Variants in ASXL1 observed in about 807,000 individuals in gnomAD.
The protein encoded by ASXL1 is ASXL transcriptional regulator 1.
In ASXL1, 65 loss-of-function variants were observed where a neutral mutation model predicts 89.1. The observed-to-expected ratio is 0.73, with a 90% CI of 0.60 to 0.90. The LOEUF (loss-of-function observed/expected upper bound fraction) is 0.90. Among genes scored for constraint, ASXL1 ranks in the 40% least tolerant of loss-of-function variants. The pLI is 0.00. For missense variants in ASXL1, 1,786 were observed against 1,942.9 expected (o/e 0.92, Z 1.52); for synonymous variants, 739 against 746.9 (o/e 0.99, Z 0.17).
chr20:32,430,381 C>T (rs1263133322), intron 8 of ASXL1: 1 of 304,004 alleles, frequency 3.3e-6, no homozygotes, highest in Non-Finnish European at 6.1e-6. Context: ...TTCCAACACC[C>T]CTTTTCTCTC....
chr20:32,435,237 AT>A lies in ASXL1; in HGVS notation c.2526del (p.Asn842LysfsTer2). ...CATCCCACTATGAAGGATCCTGTAA[AT>A]GTGACCCCCAGTTCCACACCTGAAT... ...DSHPTMKDPVNVTPSSTPESS... is the reference protein window; with the variant it reads ...DSHPTMKDPVXVTPSSTPESS... On this transcript the variant is annotated frameshift_variant, in exon 13 of 13. Transcript: ENST00000375687. LOFTEE classifies it low-confidence loss of function (END_TRUNC). The A allele has an allele frequency of 6.2e-7, 1 of 1,614,016 alleles. No homozygotes were observed.
Position 32,414,072 on chromosome 20 carries a change from G to T in ASXL1, c.253-14056G>T, listed in dbSNP as rs537253428. On this transcript the variant is annotated intron_variant, in intron 4 of 12. Coordinates refer to ENST00000375687, the MANE Select transcript of ASXL1 (RefSeq NM_015338.6). Reference sequence around the variant, plus strand: ...CCATTGTGATTTCTGGATATCGTGTGTTTTTTTTGACCGGAAGATTTTAGG... The same window carrying T: ...CCATTGTGATTTCTGGATATCGTGTTTTTTTTTTGACCGGAAGATTTTAGG... Among the ~76,000 whole-genome samples, 219 of 151,950 alleles carry T rather than the reference G, an allele frequency of 1.4e-3. 3 individuals are homozygous for T. The highest frequency in any genetic ancestry group is 2.5e-3 in the South Asian group (12 of 4,816).
chr20:32,429,074 T>G lies in ASXL1; in HGVS notation c.472-264T>G. The G allele has an allele frequency of 2.1e-6, 1 of 477,392 alleles. No individual in the cohort carries two copies. The highest frequency in any genetic ancestry group is 6.1e-4 in the Middle Eastern group (1 of 1,634). 29.6% of individuals were successfully genotyped at this position (477,392 alleles called of 1,614,324 possible). On this transcript the variant is annotated intron_variant, in intron 6 of 12. Coordinates refer to ENST00000375687, the MANE Select transcript of ASXL1 (RefSeq NM_015338.6). This position sits in a 1 kb window ranked among gnomAD's most constrained non-coding sequence, Gnocchi z 4.9. ...AGCAGTTTGAATGATAACCCTGCAC[T>G]TACTAGCCTTGAGACTTGGGGAAAA...
rs1569285507 is a variant in ASXL1 at position 32,401,553 on chromosome 20, C to CTTTTT, written c.253-26575_253-26574insTTTTT. ...GTGTGTGTGTGTGTGTGTTTTTTCC[C>CTTTTT]CCCCCCCCTTTTTTTTTTTGAGACG... On this transcript the variant is annotated intron_variant, in intron 4 of 12. Transcript: ENST00000375687. 2.7e-3 allele frequency among the ~76,000 whole-genome samples: 55 copies of CTTTTT among 20,498 alleles called. 1 individual carries two copies. In the South Asian group the frequency reaches 0.029, roughly 11 times the overall value. 13.4% of individuals were successfully genotyped at this position (20,498 alleles called of 152,430 possible).
chr20:32,369,159 C>G lies in ASXL1; in HGVS notation c.252+36C>G, dbSNP rs1439035647. On this transcript the variant is annotated intron_variant, in intron 4 of 12. Coordinates refer to ENST00000375687, the MANE Select transcript of ASXL1 (RefSeq NM_015338.6). ...TGAACTCTCTTTTGGTGCAGTGATT[C>G]TTGGACTTTTAATGTGCATAAAAAT... The G allele has an allele frequency of 2.6e-6, 4 of 1,556,868 alleles. No individual in the cohort carries two copies. The South Asian group carries it at 4.5e-5, about 17-fold the overall frequency.
chr20:32,378,158 T>TCGTGTG (rs1555902407), intron 4 of ASXL1, among the ~76,000 whole-genome samples: 1 of 130,226 alleles, frequency 7.7e-6, no homozygotes, highest in Non-Finnish European at 1.6e-5. Context: ...GCTGAGTAAT[T>TCGTGTG]TGTGTGTGTG....
intron 4 of ASXL1, among the ~76,000 whole-genome samples, chr20:32,424,571 T>C (rs2011220594): frequency 6.6e-6 from 1 of 152,134 alleles, no homozygotes; most frequent in Non-Finnish European, 1.5e-5. Context: ...CTAGAGATGG[T>C]GGTGGCCAAC....
At position 32,387,912 on chromosome 20, in the gene ASXL1, G is replaced by T. The variant is rs139290545; in HGVS notation, c.252+18789G>T. ...ACCCTTGTGTTGGCTGTATAAATTA[G>T]TGGGAACTCCATTTTTTAAGTTGCT... On this transcript the variant is annotated intron_variant, in intron 4 of 12. Transcript: ENST00000375687. Among the ~76,000 whole-genome samples the T allele has an allele frequency of 6.6e-5, 10 of 152,326 alleles. No homozygotes were observed. The East Asian group carries it at 1.9e-3, about 29-fold the overall frequency.
At position 32,435,330 on chromosome 20, in the gene ASXL1, C is replaced by T. The variant is rs202098158; in HGVS notation, c.2618C>T (p.Pro873Leu). 4.3e-5 allele frequency: 70 copies of T among 1,614,064 alleles called. No homozygotes were observed. The highest frequency in any genetic ancestry group is 3.3e-4 in the Middle Eastern group (2 of 6,084). ...DDELGLGGSC[P>L]PMRESDTRQE... ...GAATTAGGGCTTGGTGGCTCATGCCCTCCTATGAGGGAAAGTGATACTAGA... is the reference window on the plus strand; with the variant it reads ...GAATTAGGGCTTGGTGGCTCATGCCTTCCTATGAGGGAAAGTGATACTAGA... Residue 873 changes from proline to leucine, a missense_variant, in exon 13 of 13, where the codon CCT becomes CTT. Physicochemically the swap from Pro to Leu is moderately conservative, Grantham distance 98 (BLOSUM62 -3). Coordinates refer to ENST00000375687, the MANE Select transcript of ASXL1 (RefSeq NM_015338.6).
At position 32,438,294 on chromosome 20, in the gene ASXL1, A is replaced by T. The variant is rs776494618; in HGVS notation, c.*956A>T. ...ACCTCTAATGTTTTATCATGTATTT[A>T]TATGTTGTACACAGTACTGGCTGAT... On this transcript the variant is annotated 3_prime_UTR_variant, in exon 13 of 13. Transcript: ENST00000375687. 8.6e-6 allele frequency: 2 copies of T among 233,486 alleles called. No homozygotes were observed. The highest frequency in any genetic ancestry group is 1.2e-4 in the East Asian group (2 of 16,568). 14.5% of individuals were successfully genotyped at this position (233,486 alleles called of 1,614,324 possible).
At chr20:32,395,908 C>T (rs2048753854) in intron 4 of ASXL1, among the ~76,000 whole-genome samples, 1 of 152,166 alleles carries the variant, frequency 6.6e-6, no homozygotes. Context: ...AAGCGATTAT[C>T]CTGCCTCAGC....
intron 4 of ASXL1, among the ~76,000 whole-genome samples, chr20:32,420,076 A>G (rs571407230): frequency 6.5e-4 from 99 of 151,544 alleles, no homozygotes; most frequent in African/African-American, 1.7e-3. Flanking sequence ...AAATGTCACA[A>G]TGTGGCCAAA....
chr20:32,433,569 C>T lies in ASXL1; in HGVS notation c.1371C>T (p.Asp457=), dbSNP rs563009426. 6.8e-6 allele frequency: 11 copies of T among 1,614,168 alleles called. No homozygotes were observed. Among genetic ancestry groups the T allele is most frequent in the African/African-American group, 2.7e-5 (2 of 75,048 alleles). Residue 457 remains aspartate, a synonymous_variant, in exon 12 of 13, where the codon GAC becomes GAT. Coordinates refer to ENST00000375687, the MANE Select transcript of ASXL1 (RefSeq NM_015338.6). Reference sequence around the variant, plus strand: ...ACAAGGATGGGGAGGCTAAGACTGACCCAGCAGGGCTGAGCAGTCCCCATC... The same window carrying T: ...ACAAGGATGGGGAGGCTAAGACTGATCCAGCAGGGCTGAGCAGTCCCCATC... ...PLYKDGEAKT[D]PAGLSSPHLP... is the part of the protein sequence containing the mutation.
chr20:32,373,251 C>G (rs112436754), intron 4 of ASXL1, among the ~76,000 whole-genome samples: 15,703 of 151,832 alleles, frequency 0.1, 987 homozygotes, highest in East Asian at 0.17. Context: ...GTTGTGCACG[C>G]CTGTAATCCT....
intron 4 of ASXL1, among the ~76,000 whole-genome samples, chr20:32,404,671 T>G (rs894033444): frequency 6.6e-6 from 1 of 152,218 alleles, no homozygotes; most frequent in Admixed American, 6.5e-5. Flanking sequence ...ACTTGTTTGC[T>G]GTGTCGAATA....
intron 4 of ASXL1, among the ~76,000 whole-genome samples, chr20:32,417,800 C>G (rs2049163544): frequency 6.6e-6 from 1 of 151,902 alleles, no homozygotes; most frequent in African/African-American, 2.4e-5. Context: ...AGTCCTAGCA[C>G]TTGAGGCTGA....
chr20:32,370,093 C>T (rs945185387), intron 4 of ASXL1, among the ~76,000 whole-genome samples: 1 of 152,042 alleles, frequency 6.6e-6, no homozygotes, highest in African/African-American at 2.4e-5. Context: ...AATGTAAGAC[C>T]TACTCTATGG....
At chr20:32,369,259 T>A (rs990865703) in intron 4 of ASXL1, 136 bp downstream of exon 4, 7 of 852,716 alleles carry the variant, frequency 8.2e-6, no homozygotes, top group Non-Finnish European at 1.2e-5. Context: ...ATGTTTTTCT[T>A]TTTTTTAGAC....
intron 4 of ASXL1, among the ~76,000 whole-genome samples, chr20:32,412,594 ATTTTTTTTTT>A: frequency 7.3e-6 from 1 of 137,572 alleles, no homozygotes; most frequent in South Asian, 2.3e-4. Context: ...AAAGAAATAA[ATTTTTTTTTT>A]TTTTTTTTTG....
Sources: allele counts gnomAD v4.1 joint callset (sites outside exome capture counted in the v4.1 genomes callset), GRCh38; gene constraint gnomAD v4.1.1; non-coding constraint Gnocchi (gnomAD v3.1); transcripts MANE v1.5; gene names NCBI Gene and HGNC (gene_info 2026-07-23, HGNC 2026-07-21).